The following LRRN3 variants were observed in gnomAD, a reference collection of about 807,000 sequenced individuals.
LRRN3 encodes leucine rich repeat neuronal 3, also known as leucine-rich repeat neuronal protein 3.
Under a neutral mutation model 40.1 loss-of-function variants are expected in LRRN3, and 15 were observed. The ratio of observed to expected loss-of-function variants is 0.37; its 90% confidence interval spans 0.25 to 0.58. The LOEUF (loss-of-function observed/expected upper bound fraction) is 0.58. Among genes scored for constraint, LRRN3 ranks in the 20% least tolerant of loss-of-function variants. The pLI is 0.72. For missense variants in LRRN3, 746 were observed against 837.7 expected (o/e 0.89, Z 1.35); for synonymous variants, 308 against 297.2 (o/e 1.04, Z -0.37).
At chr7:111,102,338 T>C (rs191250877) in intron 2 of LRRN3, among the ~76,000 whole-genome samples, 351 of 151,576 alleles carry the variant, frequency 2.3e-3, no homozygotes, top group Admixed American at 5.0e-3. Context: ...CTCAACCCTA[T>C]AGAGAAACTC....
intron 1 of LRRN3, among the ~76,000 whole-genome samples, chr7:111,092,590 T>C (rs896022765): frequency 2.0e-5 from 3 of 152,192 alleles, no homozygotes; most frequent in Non-Finnish European, 2.9e-5. Context: ...ATTACTGATA[T>C]ATTTCTCATC....
chr7:111,122,642 T>A lies in LRRN3; in HGVS notation c.-131T>A, dbSNP rs1309086805. ...GGCACTTATTTCAGTGAAGAAAAAC[T>A]TTGTGGTTCTATGGCATTCATCATT... On this transcript the variant is annotated 5_prime_UTR_variant, in exon 3 of 3. Coordinates refer to ENST00000308478, the MANE Select transcript of LRRN3 (RefSeq NM_001099658.2). 1 of 705,774 alleles carries A rather than the reference T, an allele frequency of 1.4e-6. No homozygotes were observed. The highest frequency in any genetic ancestry group is 1.8e-5 in the African/African-American group (1 of 55,574). The allele number at this position is 705,774 out of a possible 1,614,324, so 43.7% of individuals were successfully genotyped here. A position where few individuals can be genotyped will look rare whatever the true frequency, so the allele number is the denominator to read the frequency against.
At chr7:111,095,137 A>G (rs1279723200) in intron 1 of LRRN3, among the ~76,000 whole-genome samples, 1 of 151,982 alleles carries the variant, frequency 6.6e-6, no homozygotes, top group African/African-American at 2.4e-5. Flanking sequence ...GCTTCAGGAG[A>G]CGGGGAATAA....
Position 111,124,371 on chromosome 7 carries a change from G to C in LRRN3, c.1599G>C (p.Gln533His). Residue 533 changes from glutamine to histidine, a missense_variant, in exon 3 of 3, where the codon CAG (glutamine) becomes CAC (histidine). Physicochemically the swap from Gln to His is conservative, Grantham distance 24. Coordinates refer to ENST00000308478, the MANE Select transcript of LRRN3 (RefSeq NM_001099658.2). Reference sequence around the variant, plus strand: ...TGAATATTAAAATAAGAGATATTCAGGCCAATTCAGTTTTGGTGTCCTGGA... The same window carrying C: ...TGAATATTAAAATAAGAGATATTCACGCCAATTCAGTTTTGGTGTCCTGGA... ...GSLNIKIRDI[Q>H]ANSVLVSWKA... 1 of 1,613,662 alleles carries C rather than the reference G, an allele frequency of 6.2e-7. No homozygotes were observed. The highest frequency in any genetic ancestry group is 2.2e-5 in the East Asian group (1 of 44,810).
chr7:111,124,779 A>C lies in LRRN3; in HGVS notation c.2007A>C (p.Pro669=). 5.6e-6 allele frequency: 9 copies of C among 1,613,840 alleles called. No individual in the cohort carries two copies. Among genetic ancestry groups the C allele is most frequent in the Non-Finnish European group, 7.6e-6 (9 of 1,179,956 alleles). ...HSYVRNYLQK[P]TFALGELYPP... ...ATGTGAGGAATTACTTACAGAAACC[A>C]ACCTTTGCATTAGGTGAGCTTTATC... Residue 669 remains proline (P), a synonymous_variant, in exon 3 of 3, where the codon CCA becomes CCC. Transcript: ENST00000308478.
chr7:111,100,056 G>A (rs1027634795), intron 2 of LRRN3, 94 bp downstream of exon 2: 23 of 151,642 alleles, frequency 1.5e-4, no homozygotes, highest in African/African-American at 5.1e-4. Context: ...TTCACTCATT[G>A]GAAAGGTCCT....
At chr7:111,102,795 T>C (rs759036920) in intron 2 of LRRN3, among the ~76,000 whole-genome samples, 82 of 151,700 alleles carry the variant, frequency 5.4e-4, no homozygotes, top group Admixed American at 4.3e-3. Flanking sequence ...GAAACCATTC[T>C]TCACTAATCC....
chr7:111,097,836 T>G (rs1363702767), intron 1 of LRRN3, among the ~76,000 whole-genome samples: 2 of 151,884 alleles, frequency 1.3e-5, no homozygotes, highest in Admixed American at 1.3e-4. Flanking sequence ...TTACTGAAAT[T>G]TCAATAGTTG....
intron 1 of LRRN3, among the ~76,000 whole-genome samples, chr7:111,098,292 A>T (rs1797613136): frequency 6.6e-6 from 1 of 151,866 alleles, no homozygotes; most frequent in Non-Finnish European, 1.5e-5. Context: ...AGTTGTTGAA[A>T]GAGTTTCATA....
intron 2 of LRRN3, among the ~76,000 whole-genome samples, chr7:111,118,210 C>G (rs1159439969): frequency 2.0e-5 from 3 of 152,014 alleles, no homozygotes; most frequent in Admixed American, 6.6e-5. Context: ...GATATTTTAT[C>G]TTATTTATTG....
At chr7:111,111,299 TAAAAAA>T (rs751990466) in intron 2 of LRRN3, among the ~76,000 whole-genome samples, 4 of 92,282 alleles carry the variant, frequency 4.3e-5, no homozygotes, top group Non-Finnish European at 6.8e-5. Context: ...GTAGCAGTTG[TAAAAAA>T]AAAAAAAAAA....
chr7:111,101,209 A>T (rs1181577199), intron 2 of LRRN3, among the ~76,000 whole-genome samples: 1 of 151,540 alleles, frequency 6.6e-6, no homozygotes, highest in East Asian at 1.9e-4. Context: ...GAAATATTCT[A>T]AGATAATATC....
chr7:111,096,999 A>G (rs1334476207), intron 1 of LRRN3: 1 of 151,910 alleles, frequency 6.6e-6, no homozygotes, highest in Admixed American at 6.6e-5. Flanking sequence ...AATCTTCTAA[A>G]GTTTGTCATT....
At chr7:111,097,016 T>G (rs563493123) in intron 1 of LRRN3, 3 of 151,918 alleles carry the variant, frequency 2.0e-5, no homozygotes, top group Non-Finnish European at 4.4e-5. Flanking sequence ...CATTTCACGC[T>G]TTACTTCCAG....
At chr7:111,121,610 G>C (rs935009137) in intron 2 of LRRN3, among the ~76,000 whole-genome samples, 6 of 152,146 alleles carry the variant, frequency 3.9e-5, no homozygotes, top group African/African-American at 1.4e-4. Context: ...GGAGAAATAG[G>C]AACACTTTTA....
At chr7:111,114,133 TACAC>T (rs71151831) in intron 2 of LRRN3, among the ~76,000 whole-genome samples, 234 of 146,644 alleles carry the variant, frequency 1.6e-3, no homozygotes, top group East Asian at 2.6e-3. Context: ...CACATAAATC[TACAC>T]ACACACACAC....
chr7:111,109,683 C>A (rs1184876986), intron 2 of LRRN3, among the ~76,000 whole-genome samples: 1 of 152,126 alleles, frequency 6.6e-6, no homozygotes, highest in Admixed American at 6.6e-5. Context: ...ACTGCACATG[C>A]TGACAGGATT....
intron 2 of LRRN3, among the ~76,000 whole-genome samples, chr7:111,117,010 A>G (rs1239067109): frequency 6.6e-6 from 1 of 152,182 alleles, no homozygotes; most frequent in Non-Finnish European, 1.5e-5. Context: ...GCCTTAATTT[A>G]ATGATTAAAG....
chr7:111,094,564 T>A (rs1354285791), intron 1 of LRRN3, among the ~76,000 whole-genome samples: 1 of 152,134 alleles, frequency 6.6e-6, no homozygotes, highest in Non-Finnish European at 1.5e-5. Flanking sequence ...AGGTAAACTC[T>A]AGGCAAAACA....
Sources: allele counts gnomAD v4.1 joint callset (sites outside exome capture counted in the v4.1 genomes callset), GRCh38; gene constraint gnomAD v4.1.1; transcripts MANE v1.5; gene names NCBI Gene and HGNC (gene_info 2026-07-23, HGNC 2026-07-21).